Variants in TNIP3 observed in about 807,000 individuals in gnomAD.
The protein encoded by TNIP3 is TNFAIP3 interacting protein 3, also known as TNFAIP3-interacting protein 3.
TNIP3 carries 34 observed loss-of-function variants against 54.1 expected under a neutral mutation model. The ratio of observed to expected loss-of-function variants is 0.63; its 90% CI spans 0.48 to 0.84. The LOEUF (loss-of-function observed/expected upper bound fraction) is 0.84. TNIP3 is among the 40% of genes least tolerant of loss of function. The pLI is 0.00. For missense variants in TNIP3, 366 were observed against 387.6 expected (o/e 0.94, Z 0.47); for synonymous variants, 134 against 136.8 (o/e 0.98, Z 0.14).
chr4:121,172,439 A>G (rs906281086), intron 3 of TNIP3, among the ~76,000 whole-genome samples: 8 of 152,220 alleles, frequency 5.3e-5, no homozygotes, highest in African/African-American at 1.7e-4. Flanking sequence ...ATACAGGCCA[A>G]TGAAAAAACC....
intron 2 of TNIP3, among the ~76,000 whole-genome samples, chr4:121,190,267 C>G (rs1023481876): frequency 6.6e-6 from 1 of 152,138 alleles, no homozygotes; most frequent in Admixed American, 6.5e-5. Context: ...TATTTAGTAT[C>G]CTTTGAATTA....
chr4:121,220,120 A>T (rs1290530286), upstream of TNIP3, among the ~76,000 whole-genome samples: 1 of 152,222 alleles, frequency 6.6e-6, no homozygotes, highest in Non-Finnish European at 1.5e-5. Flanking sequence ...ATATAAAAGT[A>T]CTTATATTAA....
chr4:121,196,338 T>G (rs1035967813), intron 2 of TNIP3, among the ~76,000 whole-genome samples: 3 of 152,196 alleles, frequency 2.0e-5, no homozygotes, highest in African/African-American at 7.2e-5. Context: ...GATCAACTAG[T>G]GATAATGGTA....
chr4:121,149,459 A>T (rs543957352), intron 6 of TNIP3, among the ~76,000 whole-genome samples: 1 of 152,230 alleles, frequency 6.6e-6, no homozygotes, highest in Non-Finnish European at 1.5e-5. Flanking sequence ...AGTTGGGATT[A>T]ATAGTGTTCT....
chr4:121,187,660 T>C (rs1725092896), intron 2 of TNIP3, among the ~76,000 whole-genome samples: 2 of 152,232 alleles, frequency 1.3e-5, no homozygotes, highest in African/African-American at 4.8e-5. Flanking sequence ...AACTGAAATG[T>C]AGCTGATTTG....
In TNIP3 at chr4:121,170,472, T is replaced by G. The variant is rs886458320; in HGVS notation, c.190-6326A>C. Reference sequence around the variant, plus strand: ...GACTGTGAACACACGTTTAAAGAGCTGGCCTGTTTCCGTGTATTTTCTTTT... The same window carrying G: ...GACTGTGAACACACGTTTAAAGAGCGGGCCTGTTTCCGTGTATTTTCTTTT... On this transcript the variant is annotated intron_variant, in intron 3 of 12. Transcript: ENST00000507879. Among the ~76,000 whole-genome samples the G allele has an allele frequency of 2.6e-5, 4 of 152,342 alleles. No homozygotes were observed. The East Asian group carries it at 7.7e-4, about 29-fold the overall frequency.
At chr4:121,137,089 C>A (rs1728830263) in intron 10 of TNIP3, among the ~76,000 whole-genome samples, 1 of 152,102 alleles carries the variant, frequency 6.6e-6, no homozygotes, top group African/African-American at 2.4e-5. Flanking sequence ...TTTATGTAAT[C>A]ATTAGCTTGT....
At chr4:121,171,798 T>C (rs1723975611) in intron 3 of TNIP3, among the ~76,000 whole-genome samples, 1 of 152,292 alleles carries the variant, frequency 6.6e-6, no homozygotes, top group East Asian at 1.9e-4. Flanking sequence ...TGATGCGATC[T>C]TGGCTCACCG....
At chr4:121,172,431 A>G (rs1307027151) in intron 3 of TNIP3, among the ~76,000 whole-genome samples, 1 of 152,210 alleles carries the variant, frequency 6.6e-6, no homozygotes, top group Non-Finnish European at 1.5e-5. Context: ...CAGTGAGGAT[A>G]CAGGCCAATG....
intron 6 of TNIP3, 136 bp from the exon 7 acceptor site, chr4:121,147,310 G>T: frequency 9.4e-7 from 1 of 1,067,656 alleles, no homozygotes; most frequent in Non-Finnish European, 1.3e-6. Flanking sequence ...TCACTGTTTT[G>T]GAGCAAGTCA....
intron 3 of TNIP3, 51 bp from the exon 4 acceptor site, chr4:121,157,294 A>G (rs1272758158): frequency 6.2e-7 from 1 of 1,612,378 alleles, no homozygotes. Context: ...GAAGCTCACA[A>G]GCCCCTGGAT....
chr4:121,161,405 TTA>T (rs1730446280), intron 1 of TNIP3, among the ~76,000 whole-genome samples, 189 bp from the exon 2 acceptor site: 1 of 152,284 alleles, frequency 6.6e-6, no homozygotes, highest in South Asian at 2.1e-4. Flanking sequence ...CAGCTTCATA[TTA>T]TGTTTTAGAA....
chr4:121,147,807 T>A (rs1729517906), intron 6 of TNIP3, among the ~76,000 whole-genome samples: 1 of 152,184 alleles, frequency 6.6e-6, no homozygotes, highest in Admixed American at 6.6e-5. Flanking sequence ...ATAGCTAGAT[T>A]TTTATCTATT....
At chr4:121,220,626 G>A (rs926796840), upstream of TNIP3, among the ~76,000 whole-genome samples, 4 of 151,468 alleles carry the variant, frequency 2.6e-5, no homozygotes, top group Non-Finnish European at 5.9e-5. Context: ...ATGTATCATC[G>A]GCTTATATAC....
chr4:121,170,675 T>C (rs911015798), intron 3 of TNIP3, among the ~76,000 whole-genome samples: 2 of 152,072 alleles, frequency 1.3e-5, no homozygotes, highest in Non-Finnish European at 2.9e-5. Flanking sequence ...GCAGAACTGT[T>C]GTCTTTAATA....
chr4:121,188,460 A>G (rs1013200372), intron 2 of TNIP3, among the ~76,000 whole-genome samples: 1 of 152,170 alleles, frequency 6.6e-6, no homozygotes, highest in African/African-American at 2.4e-5. Context: ...TGGAGCCCTC[A>G]TATTTTTGTT....
At chr4:121,150,758 G>A (rs532307678) in intron 5 of TNIP3, among the ~76,000 whole-genome samples, 1 of 152,212 alleles carries the variant, frequency 6.6e-6, no homozygotes. Flanking sequence ...TCCAACAAGA[G>A]AGAGGGACAT....
chr4:121,160,975 A>G (rs1173219800), intron 2 of TNIP3, among the ~76,000 whole-genome samples, 161 bp downstream of exon 2: 2 of 152,240 alleles, frequency 1.3e-5, no homozygotes, highest in Non-Finnish European at 2.9e-5. Flanking sequence ...ATACAGGTGA[A>G]TAAGAAAGAA....
At chr4:121,176,209 C>G (rs1380904164) in intron 3 of TNIP3, among the ~76,000 whole-genome samples, 1 of 152,216 alleles carries the variant, frequency 6.6e-6, no homozygotes, top group Non-Finnish European at 1.5e-5. Context: ...TAAATAACTT[C>G]ACCCATGTTG....
Sources: allele counts gnomAD v4.1 joint callset (sites outside exome capture counted in the v4.1 genomes callset), GRCh38; gene constraint gnomAD v4.1.1; transcripts MANE v1.5; gene names NCBI Gene and HGNC (gene_info 2026-07-23, HGNC 2026-07-21).